Variants in COL11A1 observed in about 807,000 individuals in gnomAD.
COL11A1 encodes collagen alpha-1(XI) chain.
A neutral mutation model predicts 265.2 loss-of-function variants in COL11A1; 74 were observed. That is an observed-to-expected ratio of 0.28 (90% CI 0.23 to 0.34). The LOEUF (loss-of-function observed/expected upper bound fraction) is 0.34. Among genes scored for constraint, COL11A1 ranks in the 10% least tolerant of loss-of-function variants. COL11A1 has a pLI of 1.00. For synonymous variants in COL11A1, 816 were observed against 727.6 expected (o/e 1.12, Z -1.96); for missense variants, 2,165 against 2,263.6 (o/e 0.96, Z 0.88).
Position 102,978,811 on chromosome 1 carries a change from G to A in COL11A1, c.2709+49C>T, listed in dbSNP as rs1267982876. On this transcript the variant is annotated intron_variant, in intron 34 of 66. Coordinates refer to ENST00000370096, the MANE Select transcript of COL11A1 (RefSeq NM_001854.4). The stretch of plus-strand genomic sequence containing the variant: ...GAATTCTTTCTCATAGCATCTGCCT[G>A]GAAAAAAAATCTACAGTAACATCCA... The A allele has an allele frequency of 2.5e-5, 41 of 1,613,578 alleles. No individual in the cohort carries two copies. In the Admixed American group the frequency reaches 6.8e-4, roughly 27 times the overall value.
At chr1:103,101,341 G>A (rs927300049) in intron 1 of COL11A1, among the ~76,000 whole-genome samples, 1 of 151,960 alleles carries the variant, frequency 6.6e-6, no homozygotes, top group Non-Finnish European at 1.5e-5. Context: ...TCAGCAGTAG[G>A]TTGAGCTCCA....
At chr1:103,082,334 T>A (rs1247868374) in intron 2 of COL11A1, among the ~76,000 whole-genome samples, 1 of 152,056 alleles carries the variant, frequency 6.6e-6, no homozygotes, top group East Asian at 1.9e-4. Context: ...CAGAAACATT[T>A]ACCTTAATGT....
At chr1:102,928,003 C>G (rs1656828799) in intron 46 of COL11A1, among the ~76,000 whole-genome samples, 3 of 152,026 alleles carry the variant, frequency 2.0e-5, no homozygotes, top group Admixed American at 2.0e-4. Flanking sequence ...CAGATCCGCC[C>G]CTGTCTGCCT....
At chr1:103,038,310 C>T (rs936241390) in intron 4 of COL11A1, among the ~76,000 whole-genome samples, 3 of 151,922 alleles carry the variant, frequency 2.0e-5, no homozygotes, top group Non-Finnish European at 1.5e-5. Context: ...CAAAAAAATA[C>T]GAAAGTTAGC....
chr1:102,972,956 A>G (rs1244523620), intron 36 of COL11A1, among the ~76,000 whole-genome samples: 1 of 152,082 alleles, frequency 6.6e-6, no homozygotes, highest in Non-Finnish European at 1.5e-5. Context: ...GGGAATATTT[A>G]GATCCATATA....
At chr1:102,886,639 C>A (rs1651016435) in intron 63 of COL11A1, among the ~76,000 whole-genome samples, 168 bp downstream of exon 63, 1 of 152,086 alleles carries the variant, frequency 6.6e-6, no homozygotes, top group African/African-American at 2.4e-5. Flanking sequence ...CAAAGCAAAT[C>A]TTGATTTATG....
chr1:103,107,060 G>A (rs1674748900), intron 1 of COL11A1, among the ~76,000 whole-genome samples: 1 of 152,080 alleles, frequency 6.6e-6, no homozygotes, highest in South Asian at 2.1e-4. Flanking sequence ...CCTGCCAGTC[G>A]ATTCTAAGGC....
At position 103,059,459 on chromosome 1, in the gene COL11A1, C is replaced by A. The variant is rs559068889; in HGVS notation, c.651+15159G>T. 2.0e-5 allele frequency among the ~76,000 whole-genome samples: 3 copies of A among 152,062 alleles called. No individual in the cohort carries two copies. In the East Asian group the frequency reaches 5.8e-4, roughly 29 times the overall value. On this transcript the variant is annotated intron_variant, in intron 4 of 66. Coordinates refer to ENST00000370096, the MANE Select transcript of COL11A1 (RefSeq NM_001854.4). ...TCTTTTACCCAGTGCATCATGTTCA[C>A]CTTTCAACACAAAATTAAAAGGCAT...
At chr1:103,068,702 A>C (rs1671340704) in intron 4 of COL11A1, among the ~76,000 whole-genome samples, 1 of 151,522 alleles carries the variant, frequency 6.6e-6, no homozygotes. Context: ...ACACTAAAAA[A>C]AAACCCTGAA....
chr1:103,029,067 T>G (rs1163657634), intron 5 of COL11A1, among the ~76,000 whole-genome samples: 1 of 152,026 alleles, frequency 6.6e-6, no homozygotes, highest in East Asian at 1.9e-4. Flanking sequence ...TTCTCCATGG[T>G]GATGGTTGTA....
chr1:103,015,962 A>G (rs1666534444), intron 11 of COL11A1, among the ~76,000 whole-genome samples: 1 of 152,036 alleles, frequency 6.6e-6, no homozygotes, highest in Non-Finnish European at 1.5e-5. Flanking sequence ...TAATCCAATT[A>G]AGCTATAAAT....
At chr1:102,955,089 A>C (rs1660242853) in intron 41 of COL11A1, among the ~76,000 whole-genome samples, 1 of 152,142 alleles carries the variant, frequency 6.6e-6, no homozygotes, top group Non-Finnish European at 1.5e-5. Flanking sequence ...ATCATAGTCC[A>C]CTAAGGTCTA....
intron 15 of COL11A1, among the ~76,000 whole-genome samples, chr1:103,007,866 C>CAAAA (rs34520764): frequency 2.1e-5 from 2 of 97,058 alleles, no homozygotes; most frequent in African/African-American, 4.3e-5. Flanking sequence ...GACTCTGTCT[C>CAAAA]AAAAAAAAAA....
intron 4 of COL11A1, among the ~76,000 whole-genome samples, chr1:103,041,907 T>C (rs1002179389): frequency 4.6e-5 from 7 of 152,134 alleles, no homozygotes; most frequent in African/African-American, 2.4e-5. Flanking sequence ...CAATCTGTTA[T>C]ACAACATTGT....
intron 15 of COL11A1, 22 bp downstream of exon 15, chr1:103,008,441 A>G (rs769615830): frequency 3.8e-5 from 61 of 1,608,456 alleles, no homozygotes; most frequent in Middle Eastern, 1.6e-4. Flanking sequence ...CAAGAATAAA[A>G]AGTCAAATTT....
At chr1:103,017,954 C>T (rs778380744) in intron 10 of COL11A1, 72 bp from the exon 11 acceptor site, 4 of 1,203,140 alleles carry the variant, frequency 3.3e-6, no homozygotes, top group Non-Finnish European at 5.0e-6. Context: ...CACTCTAGTC[C>T]TATCGAAGAG....
intron 1 of COL11A1, among the ~76,000 whole-genome samples, chr1:103,097,674 T>C (rs1325986002): frequency 6.6e-6 from 1 of 152,032 alleles, no homozygotes; most frequent in African/African-American, 2.4e-5. Flanking sequence ...AATGAGCTTT[T>C]AACCTGTACT....
chr1:102,942,869 C>A (rs936714835), intron 42 of COL11A1, among the ~76,000 whole-genome samples: 5 of 152,054 alleles, frequency 3.3e-5, no homozygotes, highest in African/African-American at 1.2e-4. Flanking sequence ...TGATTTAGAA[C>A]TATAATTTTA....
intron 7 of COL11A1, among the ~76,000 whole-genome samples, 166 bp downstream of exon 7, chr1:103,025,355 T>C (rs1667428856): frequency 1.3e-5 from 2 of 152,224 alleles, no homozygotes; most frequent in Admixed American, 6.5e-5. Context: ...TCAGATGAAC[T>C]GCTTTTAGTA....
Sources: gnomAD v4.1 joint callset for allele counts (sites outside exome capture counted in the v4.1 genomes callset) on GRCh38, gnomAD v4.1.1 for gene constraint, MANE v1.5 for transcripts, NCBI Gene and HGNC (gene_info 2026-07-23, HGNC 2026-07-21) for gene names.